ASTN2: variants seen among roughly 807,000 people sequenced by gnomAD.
ASTN2 encodes the protein astrotactin-2.
In ASTN2, 54 loss-of-function variants were observed where a neutral mutation model predicts 139.8. That is an observed-to-expected ratio of 0.39 (90% CI 0.31 to 0.48). The LOEUF (loss-of-function observed/expected upper bound fraction) is 0.48, where lower values mean the gene tolerates loss of function less well. Ranked by LOEUF, ASTN2 falls within the 20% of genes least tolerant of loss-of-function variation. The pLI is 0.95. For synonymous variants in ASTN2, 756 were observed against 719.5 expected (o/e 1.05, Z -0.81); for missense variants, 1,565 against 1,725.1 (o/e 0.91, Z 1.64).
chr9:117,251,285 C>T (rs1434092381), intron 2 of ASTN2, among the ~76,000 whole-genome samples: 1 of 147,778 alleles, frequency 6.8e-6, no homozygotes, highest in Non-Finnish European at 1.5e-5. Context: ...CAAACAAATG[C>T]TATTTTTTTT....
chr9:116,873,566 G>T (rs1833219478), intron 10 of ASTN2, among the ~76,000 whole-genome samples: 1 of 152,180 alleles, frequency 6.6e-6, no homozygotes, highest in African/African-American at 2.4e-5. Context: ...TATGACATGA[G>T]AACTTTGGCT....
At chr9:116,727,014 AC>A (rs1728628391) in intron 15 of ASTN2, among the ~76,000 whole-genome samples, 2 of 4,706 alleles carry the variant, frequency 4.2e-4, no homozygotes, top group African/African-American at 6.8e-4. Flanking sequence ...ACTACACTCA[AC>A]ACACACACAC....
At chr9:117,195,009 G>C (rs1439555740) in intron 3 of ASTN2, among the ~76,000 whole-genome samples, 1 of 152,076 alleles carries the variant, frequency 6.6e-6, no homozygotes, top group Non-Finnish European at 1.5e-5. Context: ...CACTGACCCA[G>C]CATATTTATT....
At chr9:117,351,995 G>A (rs1829407182) in intron 1 of ASTN2, among the ~76,000 whole-genome samples, 2 of 152,084 alleles carry the variant, frequency 1.3e-5, no homozygotes, top group African/African-American at 4.8e-5. Flanking sequence ...AGTAAACACC[G>A]CTTACTATTA....
intron 1 of ASTN2, among the ~76,000 whole-genome samples, chr9:117,292,178 C>T (rs576796200): frequency 6.6e-6 from 1 of 152,340 alleles, no homozygotes; most frequent in Admixed American, 6.5e-5. Flanking sequence ...CCCATCCCAA[C>T]GTTCTCATAT....
intron 1 of ASTN2, among the ~76,000 whole-genome samples, chr9:117,341,820 C>T (rs1052370718): frequency 6.6e-5 from 10 of 152,120 alleles, no homozygotes; most frequent in African/African-American, 2.4e-4. Flanking sequence ...ATGGGAAAAT[C>T]CTGCCTTGTT....
chr9:116,872,096 TGGGACTACA>T (rs1172254959), intron 10 of ASTN2, among the ~76,000 whole-genome samples: 1 of 152,184 alleles, frequency 6.6e-6, no homozygotes, highest in Non-Finnish European at 1.5e-5. Flanking sequence ...TCCAAGTAGC[TGGGACTACA>T]GGAATGTGCT....
chr9:117,236,672 T>C (rs1363884726), intron 2 of ASTN2, among the ~76,000 whole-genome samples: 1 of 152,152 alleles, frequency 6.6e-6, no homozygotes, highest in Non-Finnish European at 1.5e-5. Context: ...CAGAACACTT[T>C]AAGTTCAATA....
chr9:117,222,043 G>A (rs1170672524), intron 2 of ASTN2, among the ~76,000 whole-genome samples: 1 of 152,074 alleles, frequency 6.6e-6, no homozygotes. Flanking sequence ...CTCTATGACT[G>A]TCCTATGCCC....
chr9:116,535,028 T>A (rs1421862419), intron 19 of ASTN2, among the ~76,000 whole-genome samples: 1 of 152,236 alleles, frequency 6.6e-6, no homozygotes, highest in Admixed American at 6.5e-5. Flanking sequence ...GGACTTGCTT[T>A]ATGAATCTGG....
chr9:116,801,298 T>C (rs563480188), intron 13 of ASTN2, among the ~76,000 whole-genome samples: 1 of 151,996 alleles, frequency 6.6e-6, no homozygotes, highest in African/African-American at 2.4e-5. Context: ...AAGATAAATT[T>C]ACGGCTGGGC....
intron 16 of ASTN2, among the ~76,000 whole-genome samples, chr9:116,668,584 TTGTC>T (rs2131980587): frequency 6.6e-6 from 1 of 152,364 alleles, no homozygotes; most frequent in African/African-American, 2.4e-5. Context: ...ATATAGTACA[TTGTC>T]TGGATGTACC....
intron 17 of ASTN2, among the ~76,000 whole-genome samples, chr9:116,637,804 G>A (rs1278400382): frequency 1.3e-5 from 2 of 152,136 alleles, no homozygotes; most frequent in Non-Finnish European, 2.9e-5. Context: ...TCCAAGCATG[G>A]TGGCATGTGC....
chr9:116,810,220 T>A (rs1319488148), intron 12 of ASTN2, among the ~76,000 whole-genome samples: 1 of 152,240 alleles, frequency 6.6e-6, no homozygotes, highest in Non-Finnish European at 1.5e-5. Flanking sequence ...ATTTATCAAC[T>A]GTTCTTTTAA....
At position 116,432,933 on chromosome 9, in the gene ASTN2, G is replaced by GAAGGAAGGAAGGAAGA. The variant is rs201218743; in HGVS notation, c.3783-6861_3783-6846dup. 0.012 allele frequency among the ~76,000 whole-genome samples: 1,813 copies of GAAGGAAGGAAGGAAGA among 151,888 alleles called. 165 individuals carry two copies. In the South Asian group the frequency reaches 0.19, roughly 16 times the overall value. On this transcript the variant is annotated intron_variant, in intron 22 of 22. Transcript: ENST00000313400. ...TGACAGAGCAAGACTCCATCTTGGG[G>GAAGGAAGGAAGGAAGA]AAGGAAGGAAGGAAGAAAGGAAGGA...
chr9:116,751,977 T>C (rs1283815178), intron 13 of ASTN2, among the ~76,000 whole-genome samples: 1 of 152,170 alleles, frequency 6.6e-6, no homozygotes, highest in Non-Finnish European at 1.5e-5. Context: ...TAAGTTATTT[T>C]GTAGGCTTGG....
At chr9:116,821,433 G>A (rs1473904843) in intron 11 of ASTN2, among the ~76,000 whole-genome samples, 1 of 152,144 alleles carries the variant, frequency 6.6e-6, no homozygotes, top group East Asian at 1.9e-4. Context: ...CTTCCTTCCT[G>A]TCTTGAATTA....
chr9:117,197,456 T>C (rs551303739), intron 3 of ASTN2: 2 of 152,352 alleles, frequency 1.3e-5, no homozygotes, highest in East Asian at 1.9e-4. Context: ...AAGGTAAGTA[T>C]GCATGGCTGA....
At chr9:116,914,520 T>C (rs1218662767) in intron 10 of ASTN2, among the ~76,000 whole-genome samples, 1 of 151,388 alleles carries the variant, frequency 6.6e-6, no homozygotes, top group Non-Finnish European at 1.5e-5. Context: ...GCTGAGGTCC[T>C]ACTCTGTGCC....
Sources: gnomAD v4.1 joint callset for allele counts (sites outside exome capture counted in the v4.1 genomes callset) on GRCh38, gnomAD v4.1.1 for gene constraint, MANE v1.5 for transcripts, NCBI Gene and HGNC (gene_info 2026-07-23, HGNC 2026-07-21) for gene names.